SLC25A21: variants seen among roughly 807,000 people sequenced by gnomAD.
SLC25A21 encodes the protein mitochondrial 2-oxodicarboxylate carrier.
A neutral mutation model predicts 43.8 loss-of-function variants in SLC25A21; 47 were observed. The ratio of observed to expected loss-of-function variants is 1.07; its 90% CI spans 0.85 to 1.37. The LOEUF (loss-of-function observed/expected upper bound fraction) is 1.37. SLC25A21 is among the 40% of genes most tolerant of loss of function. The pLI, the probability that SLC25A21 is intolerant of heterozygous loss-of-function variation, is 0.00. For synonymous variants in SLC25A21, 131 were observed against 121.3 expected (o/e 1.08, Z -0.52); for missense variants, 352 against 350.2 (o/e 1.00, Z -0.04).
At chr14:37,164,406 G>A (rs1422193598) in intron 1 of SLC25A21, among the ~76,000 whole-genome samples, 1 of 152,032 alleles carries the variant, frequency 6.6e-6, no homozygotes, top group Non-Finnish European at 1.5e-5. Context: ...CCTTTGATGT[G>A]TCATAAAGGC....
intron 3 of SLC25A21, among the ~76,000 whole-genome samples, chr14:36,778,980 C>A (rs984052303): frequency 2.6e-5 from 4 of 151,846 alleles, no homozygotes; most frequent in Non-Finnish European, 5.9e-5. Flanking sequence ...TATCCTCCCC[C>A]CAATACTAAT....
chr14:36,966,425 C>T (rs1056412401), intron 1 of SLC25A21, among the ~76,000 whole-genome samples: 4 of 152,154 alleles, frequency 2.6e-5, no homozygotes, highest in African/African-American at 9.7e-5. Context: ...TCTTTTTTAT[C>T]TACTCAACTC....
At chr14:37,100,437 C>G (rs543162386) in intron 1 of SLC25A21, among the ~76,000 whole-genome samples, 4 of 152,284 alleles carry the variant, frequency 2.6e-5, no homozygotes, top group Non-Finnish European at 4.4e-5. Flanking sequence ...TCAATATAAT[C>G]ATGTGTTCAG....
intron 1 of SLC25A21, among the ~76,000 whole-genome samples, chr14:36,924,339 T>C (rs1892069254): frequency 1.3e-5 from 2 of 152,184 alleles, no homozygotes; most frequent in South Asian, 4.1e-4. Flanking sequence ...TGGAATACTA[T>C]GCAGCCATAA....
intron 1 of SLC25A21, among the ~76,000 whole-genome samples, chr14:36,922,765 A>G (rs1892017583): frequency 6.6e-6 from 1 of 152,100 alleles, no homozygotes. Flanking sequence ...TCAAACTAAT[A>G]CCAGAATAAG....
At chr14:37,038,235 G>T (rs1357171836) in intron 1 of SLC25A21, among the ~76,000 whole-genome samples, 1 of 152,032 alleles carries the variant, frequency 6.6e-6, no homozygotes, top group Non-Finnish European at 1.5e-5. Flanking sequence ...TAAGCATACT[G>T]GTTACCTCCA....
chr14:36,728,310 A>G (rs1245048610), intron 5 of SLC25A21, among the ~76,000 whole-genome samples: 8 of 152,212 alleles, frequency 5.3e-5, no homozygotes, highest in Admixed American at 4.6e-4. Context: ...CAAGAGTCCA[A>G]AGACCTACAG....
Position 36,756,980 on chromosome 14 carries a change from G to A in SLC25A21, c.204-22407C>T, listed in dbSNP as rs185451014. 5.6e-4 allele frequency among the ~76,000 whole-genome samples: 85 copies of A among 151,942 alleles called. 1 individual carries two copies. The South Asian group carries it at 7.5e-3, about 13-fold the overall frequency. On this transcript the variant is annotated intron_variant, in intron 3 of 9. Coordinates refer to ENST00000331299, the MANE Select transcript of SLC25A21 (RefSeq NM_030631.4). ...ATACATTAAAATTACTGAGTTGGGC[G>A]TGGTGGCTCATGCCTGTAATCCTGG...
intron 3 of SLC25A21, among the ~76,000 whole-genome samples, chr14:36,811,130 G>A (rs550801480): frequency 6.6e-6 from 1 of 152,228 alleles, no homozygotes; most frequent in East Asian, 1.9e-4. Context: ...ATCTGAGTGT[G>A]AAGAAGGATC....
chr14:36,832,866 C>CT (rs1196902959), intron 2 of SLC25A21, among the ~76,000 whole-genome samples: 1 of 152,200 alleles, frequency 6.6e-6, no homozygotes, highest in Non-Finnish European at 1.5e-5. Flanking sequence ...GGATTCCACC[C>CT]TTTTTTGTGA....
chr14:37,039,035 C>G (rs1961389001), intron 1 of SLC25A21, among the ~76,000 whole-genome samples: 1 of 152,104 alleles, frequency 6.6e-6, no homozygotes, highest in Admixed American at 6.5e-5. Context: ...CTTCCAATAC[C>G]CCAAACAATT....
In SLC25A21 at chr14:37,053,709, A is replaced by G. The variant is rs545769087; in HGVS notation, c.70+118572T>C. 2.2e-3 allele frequency among the ~76,000 whole-genome samples: 331 copies of G among 152,324 alleles called. 3 individuals carry two copies. Among genetic ancestry groups the G allele is most frequent in the Non-Finnish European group, 4.2e-3 (283 of 68,016 alleles). On this transcript the variant is annotated intron_variant, in intron 1 of 9. Transcript: ENST00000331299. Reference sequence around the variant, plus strand: ...AAAACCTGAAATAGTTTGTTATACCATGTCATAAAGAAGCTACTGAATGCT... The same window carrying G: ...AAAACCTGAAATAGTTTGTTATACCGTGTCATAAAGAAGCTACTGAATGCT...
At chr14:36,705,553 A>G (rs1332085201) in intron 7 of SLC25A21, among the ~76,000 whole-genome samples, 2 of 151,954 alleles carry the variant, frequency 1.3e-5, no homozygotes, top group Non-Finnish European at 2.9e-5. Context: ...CTTTCCCTCC[A>G]CCGCTGCTCA....
intron 1 of SLC25A21, among the ~76,000 whole-genome samples, chr14:36,922,763 A>C (rs1287662064): frequency 2.0e-5 from 3 of 152,238 alleles, no homozygotes; most frequent in African/African-American, 7.2e-5. Context: ...GTTCAAACTA[A>C]TACCAGAATA....
At chr14:37,084,634 T>C (rs1962449544) in intron 1 of SLC25A21, among the ~76,000 whole-genome samples, 1 of 152,228 alleles carries the variant, frequency 6.6e-6, no homozygotes, top group Non-Finnish European at 1.5e-5. Context: ...GAACTCTAGT[T>C]ATATAGTCGG....
chr14:36,723,689 A>G (rs912881037), intron 6 of SLC25A21, among the ~76,000 whole-genome samples: 4 of 152,228 alleles, frequency 2.6e-5, no homozygotes, highest in African/African-American at 9.6e-5. Context: ...CATACAAAAC[A>G]TTAGCAGCTC....
intron 4 of SLC25A21, among the ~76,000 whole-genome samples, chr14:36,731,129 C>G (rs1210258766): frequency 6.6e-6 from 1 of 152,074 alleles, no homozygotes; most frequent in African/African-American, 2.4e-5. Flanking sequence ...CCCGCTACCA[C>G]GCCCGGCTAA....
At chr14:36,896,316 A>C (rs1891237234) in intron 1 of SLC25A21, among the ~76,000 whole-genome samples, 1 of 151,752 alleles carries the variant, frequency 6.6e-6, no homozygotes, top group Non-Finnish European at 1.5e-5. Flanking sequence ...GTCTCTTTTG[A>C]TCTTTGTTGG....
At chr14:36,705,185 C>T (rs553140032) in intron 7 of SLC25A21, among the ~76,000 whole-genome samples, 37 of 151,288 alleles carry the variant, frequency 2.4e-4, no homozygotes, top group Non-Finnish European at 4.6e-4. Flanking sequence ...GGACTACTGG[C>T]GCCCGCCACC....
Sources: allele counts gnomAD v4.1 joint callset (sites outside exome capture counted in the v4.1 genomes callset), GRCh38; gene constraint gnomAD v4.1.1; transcripts MANE v1.5; gene names NCBI Gene and HGNC (gene_info 2026-07-23, HGNC 2026-07-21).